The following DNAJC15 variants were observed in gnomAD, a reference collection of about 807,000 sequenced individuals.
The protein encoded by DNAJC15 is DnaJ heat shock protein family (Hsp40) member C15, also known as dnaJ homolog subfamily C member 15.
A neutral mutation model predicts 22.4 loss-of-function variants in DNAJC15; 27 were observed. The ratio of observed to expected loss-of-function variants is 1.20; its 90% CI spans 0.89 to 1.66. The LOEUF is 1.66. Among genes scored for constraint, DNAJC15 ranks in the 40% most tolerant of loss-of-function variants. The pLI, the probability that DNAJC15 is intolerant of heterozygous loss-of-function variation, is 0.00. For synonymous variants in DNAJC15, 79 were observed against 63.2 expected (o/e 1.25, Z -1.19); for missense variants, 208 against 187.1 (o/e 1.11, Z -0.65).
At chr13:43,101,717 G>A (rs1193867497) in intron 5 of DNAJC15, among the ~76,000 whole-genome samples, 1 of 152,138 alleles carries the variant, frequency 6.6e-6, no homozygotes, top group African/African-American at 2.4e-5. Flanking sequence ...ACTTTGCATA[G>A]AATAATGGTC....
At chr13:43,057,958 G>A (rs11617605) in intron 1 of DNAJC15, among the ~76,000 whole-genome samples, 33,539 of 152,056 alleles carry the variant, frequency 0.22, 4,414 homozygotes, top group Non-Finnish European at 0.3. Context: ...TGTGATCTGT[G>A]TTTGAGTCTC....
At chr13:43,036,889 A>G (rs1467724997) in intron 1 of DNAJC15, among the ~76,000 whole-genome samples, 1 of 152,178 alleles carries the variant, frequency 6.6e-6, no homozygotes, top group Non-Finnish European at 1.5e-5. Flanking sequence ...ACTTTGCCCC[A>G]CCCTGGAGTG....
chr13:43,060,049 C>T (rs1165339151), intron 1 of DNAJC15, among the ~76,000 whole-genome samples: 7 of 152,312 alleles, frequency 4.6e-5, no homozygotes, highest in African/African-American at 7.2e-5. Flanking sequence ...TGGATGTATA[C>T]GTGCAGGTCA....
At chr13:43,094,130 A>G (rs569105525) in intron 5 of DNAJC15, among the ~76,000 whole-genome samples, 1 of 152,342 alleles carries the variant, frequency 6.6e-6, no homozygotes, top group East Asian at 1.9e-4. Flanking sequence ...ACCTGAAACC[A>G]TGCCAATGAA....
intron 1 of DNAJC15, among the ~76,000 whole-genome samples, chr13:43,025,498 T>A (rs1300604992): frequency 6.6e-6 from 1 of 152,246 alleles, no homozygotes; most frequent in East Asian, 1.9e-4. Flanking sequence ...TGTAATATCC[T>A]GAAATCCTGA....
chr13:43,104,674 T>C (rs1260160973), intron 5 of DNAJC15, among the ~76,000 whole-genome samples: 2 of 146,704 alleles, frequency 1.4e-5, no homozygotes, highest in African/African-American at 5.0e-5. Context: ...TTTTTGTTCT[T>C]TTTCTTTTCT....
In DNAJC15 at chr13:43,108,808, TTTAA is replaced by T. The variant is rs2040811180; in HGVS notation, c.*1564_*1567del. The T allele has an allele frequency of 6.6e-6, 1 of 152,188 alleles. No homozygotes were observed. Among genetic ancestry groups the T allele is most frequent in the South Asian group, 2.1e-4 (1 of 4,832 alleles). The allele number at this position is 152,188 out of a possible 1,614,324, so 9.4% of individuals were successfully genotyped here. On this transcript the variant is annotated 3_prime_UTR_variant, in exon 6 of 6. Transcript: ENST00000379221. ...CAGTTGAGAACCATTTCAGTAAAAC[TTTAA>T]TTACTATTTTTTCTTTTGGTTTATA...
chr13:43,078,005 T>C (rs2040642238), intron 3 of DNAJC15, among the ~76,000 whole-genome samples: 3 of 152,226 alleles, frequency 2.0e-5, no homozygotes, highest in African/African-American at 7.2e-5. Flanking sequence ...TAGATTGTTA[T>C]TCCAGTGCTC....
At chr13:43,107,085 C>A in intron 5 of DNAJC15, 93 bp from the exon 6 acceptor site, 1 of 966,858 alleles carries the variant, frequency 1.0e-6, no homozygotes, top group Non-Finnish European at 1.4e-6. Flanking sequence ...ATGTGTGAGA[C>A]AATATTCAAA....
At chr13:43,085,129 C>T (rs893634983) in intron 4 of DNAJC15, among the ~76,000 whole-genome samples, 2 of 152,046 alleles carry the variant, frequency 1.3e-5, no homozygotes, top group African/African-American at 4.8e-5. Flanking sequence ...TTTGGGAGGC[C>T]AAGGTGGGTG....
At position 43,034,813 on chromosome 13, in the gene DNAJC15, G is replaced by T. The variant is rs75729086; in HGVS notation, c.108+11079G>T. ...CCCAACGTTGTGGGGGTTTTTTTGA[G>T]CACTTCCTTGCTTTCTGGCACTACA... On this transcript the variant is annotated intron_variant, in intron 1 of 5. Transcript: ENST00000379221. 9.7e-3 allele frequency among the ~76,000 whole-genome samples: 1,480 copies of T among 152,110 alleles called. 9 individuals carry two copies. The highest frequency in any genetic ancestry group is 0.014 in the Middle Eastern group (4 of 294).
In DNAJC15 at chr13:43,109,658, A is replaced by AT. The variant is rs1303905420; in HGVS notation, c.*2411dup. 3.9e-5 allele frequency: 6 copies of AT among 152,094 alleles called. No homozygotes were observed. The East Asian group carries it at 1.2e-3, about 29-fold the overall frequency. 9.4% of individuals were successfully genotyped at this position (152,094 alleles called of 1,614,324 possible). ...GGGCAGTTACTTAATTTTCTAGTCA[A>AT]TAACCCGTATCTATAAAATAGAGAA... On this transcript the variant is annotated 3_prime_UTR_variant, in exon 6 of 6. Transcript: ENST00000379221.
At chr13:43,085,233 C>T (rs1382127606) in intron 4 of DNAJC15, among the ~76,000 whole-genome samples, 2 of 151,860 alleles carry the variant, frequency 1.3e-5, no homozygotes, top group East Asian at 3.9e-4. Flanking sequence ...TGGTGGCGCG[C>T]GTCTGTAATC....
intron 5 of DNAJC15, 57 bp from the exon 6 acceptor site, chr13:43,107,121 C>T: frequency 7.1e-7 from 1 of 1,410,304 alleles, no homozygotes; most frequent in South Asian, 1.4e-5. Context: ...ATTTTGGGGA[C>T]TTTAAAGTAT....
chr13:43,106,683 T>A (rs936931590), intron 5 of DNAJC15, among the ~76,000 whole-genome samples: 2 of 152,070 alleles, frequency 1.3e-5, no homozygotes, highest in South Asian at 4.1e-4. Context: ...GTTGCCTTTT[T>A]AAACATACAT....
In DNAJC15 at chr13:43,034,305, C is replaced by CTTTTTT. The variant is rs753362468; in HGVS notation, c.108+10594_108+10599dup. 2.0e-4 allele frequency among the ~76,000 whole-genome samples: 12 copies of CTTTTTT among 60,616 alleles called. 3 individuals carry two copies. The highest frequency in any genetic ancestry group is 4.0e-4 in the Admixed American group (2 of 5,006). 39.8% of individuals were successfully genotyped at this position (60,616 alleles called of 152,430 possible). A position where few individuals can be genotyped will look rare whatever the true frequency, so the allele number is the denominator to read the frequency against. On this transcript the variant is annotated intron_variant, in intron 1 of 5. Coordinates refer to ENST00000379221, the MANE Select transcript of DNAJC15 (RefSeq NM_013238.3). ...AATTCTTCTGTATGGGAGATTTGTC[C>CTTTTTT]TTTTTTTTTTTTTTTTTTTTTTTTT...
chr13:43,048,753 A>G (rs1014918411), intron 1 of DNAJC15, among the ~76,000 whole-genome samples: 23 of 152,248 alleles, frequency 1.5e-4, no homozygotes, highest in African/African-American at 5.3e-4. Flanking sequence ...TTAAGTATAT[A>G]TGTGCATATA....
intron 1 of DNAJC15, among the ~76,000 whole-genome samples, chr13:43,048,355 G>A (rs2040487171): frequency 6.6e-6 from 1 of 151,940 alleles, no homozygotes; most frequent in Admixed American, 6.6e-5. Context: ...ACCCGGGTAT[G>A]GTGGCTCATG....
intron 4 of DNAJC15, 33 bp from the exon 5 acceptor site, chr13:43,085,735 A>T: frequency 6.4e-7 from 1 of 1,571,934 alleles, no homozygotes; most frequent in South Asian, 1.1e-5. Flanking sequence ...ATTTGATGCT[A>T]TTTATTATAA....
Sources: gnomAD v4.1 joint callset for allele counts (sites outside exome capture counted in the v4.1 genomes callset) on GRCh38, gnomAD v4.1.1 for gene constraint, MANE v1.5 for transcripts, NCBI Gene and HGNC (gene_info 2026-07-23, HGNC 2026-07-21) for gene names.